MARCHF4: variants seen among roughly 807,000 people sequenced by gnomAD.
MARCHF4 encodes the protein membrane associated ring-CH-type finger 4.
In MARCHF4, 14 loss-of-function variants were observed where a neutral mutation model predicts 43.9. The observed-to-expected ratio is 0.32, with a 90% CI of 0.21 to 0.50. The LOEUF (loss-of-function observed/expected upper bound fraction) is 0.50. Among genes scored for constraint, MARCHF4 ranks in the 20% least tolerant of loss-of-function variants. The probability of loss-of-function intolerance (pLI) is 0.98; values close to 1 mark genes in which losing one functional copy is unlikely to be tolerated. For synonymous variants in MARCHF4, 226 were observed against 213.3 expected, an observed-to-expected ratio of 1.06 and a Z score of -0.52; for missense variants, 468 against 536.7, an observed-to-expected ratio of 0.87 and a Z score of 1.27.
At chr2:216,265,306 G>A (rs1423699899) in intron 3 of MARCHF4, among the ~76,000 whole-genome samples, 1 of 152,162 alleles carries the variant, frequency 6.6e-6, no homozygotes, top group Admixed American at 6.5e-5. Context: ...ACCCTGGGCT[G>A]TATTTGTGGG....
chr2:216,323,624 C>T (rs1340886757), intron 1 of MARCHF4, among the ~76,000 whole-genome samples: 2 of 152,154 alleles, frequency 1.3e-5, no homozygotes, highest in Non-Finnish European at 2.9e-5. Context: ...TCTCAGACCA[C>T]AGTGCAATCA....
At chr2:216,363,882 C>CTGAGA (rs1692626600) in intron 1 of MARCHF4, among the ~76,000 whole-genome samples, 1 of 152,182 alleles carries the variant, frequency 6.6e-6, no homozygotes, top group Admixed American at 6.5e-5. Context: ...CCTGGATGTC[C>CTGAGA]TGAGATGAGA....
chr2:216,284,328 C>T (rs561769008), intron 1 of MARCHF4, among the ~76,000 whole-genome samples: 1 of 152,266 alleles, frequency 6.6e-6, no homozygotes, highest in African/African-American at 2.4e-5. Context: ...GAGTTGGAAT[C>T]AGAGAGGCAG....
intron 1 of MARCHF4, among the ~76,000 whole-genome samples, chr2:216,330,246 G>GAT (rs1230725597): frequency 1.3e-5 from 2 of 152,180 alleles, no homozygotes; most frequent in African/African-American, 4.8e-5. Context: ...ATGATAGTGT[G>GAT]ATAGTGTGGT....
In MARCHF4 at chr2:216,370,314, G is replaced by A. The variant is rs954174554; in HGVS notation, c.-54C>T. ...GGGGTGGCTGGAGTCTTAAAAGAGG[G>A]GGACAGGACAGGTTTTGGGGGTCCA... is the stretch of plus-strand genomic sequence containing the variant. On this transcript the variant is annotated 5_prime_UTR_variant, in exon 1 of 4. Coordinates refer to ENST00000273067, the MANE Select transcript of MARCHF4 (RefSeq NM_020814.3). 6.7e-7 allele frequency: 1 copy of A among 1,499,984 alleles called. No individual in the cohort carries two copies. The highest frequency in any genetic ancestry group is 1.4e-5 in the African/African-American group (1 of 72,112). The allele number at this position is 1,499,984 out of a possible 1,614,324, so 92.9% of individuals were successfully genotyped here.
At chr2:216,358,278 A>T (rs1174018423) in intron 1 of MARCHF4, among the ~76,000 whole-genome samples, 1 of 152,174 alleles carries the variant, frequency 6.6e-6, no homozygotes, top group Non-Finnish European at 1.5e-5. Context: ...CTGACTCTAC[A>T]AGCCCGTGTT....
intron 3 of MARCHF4, among the ~76,000 whole-genome samples, chr2:216,268,060 C>T (rs965363410): frequency 5.9e-5 from 9 of 152,212 alleles, no homozygotes; most frequent in Admixed American, 5.2e-4. Flanking sequence ...TGGGCATCAT[C>T]TCGCCAGTTT....
At position 216,370,004 on chromosome 2, in the gene MARCHF4, C is replaced by T. The variant is rs370260329; in HGVS notation, c.257G>A (p.Gly86Glu). 1.2e-5 allele frequency: 18 copies of T among 1,539,354 alleles called. No individual in the cohort carries two copies. Among genetic ancestry groups the T allele is most frequent in the Middle Eastern group, 2.0e-4 (1 of 5,064 alleles). Reference sequence around the variant, plus strand: ...TCGGGGGCCCCTCCAGCCTGCCCACCCCCCGGCGCCCAGAGCCGGAAGGGT... The same window carrying T: ...TCGGGGGCCCCTCCAGCCTGCCCACTCCCCGGCGCCCAGAGCCGGAAGGGT... Reference protein sequence around the residue: ...NNTLPALGAGGWAGWRGPREV... With the variant: ...NNTLPALGAGEWAGWRGPREV... The change falls in exon 1 of 4, where the codon GGG becomes GAG. Residue 86 changes from glycine to glutamate, a missense_variant. Transcript: ENST00000273067.
chr2:216,354,866 G>A (rs1477781447), intron 1 of MARCHF4, among the ~76,000 whole-genome samples: 3 of 151,078 alleles, frequency 2.0e-5, no homozygotes, highest in Non-Finnish European at 4.4e-5. Context: ...ATTCCTGCCT[G>A]TTCATGAAAC....
At chr2:216,346,355 G>A (rs572938991) in intron 1 of MARCHF4, among the ~76,000 whole-genome samples, 1 of 151,930 alleles carries the variant, frequency 6.6e-6, no homozygotes, top group African/African-American at 2.4e-5. Flanking sequence ...GAACTTGGGT[G>A]TTTTTGTGCA....
chr2:216,370,033 G>A lies in MARCHF4; in HGVS notation c.228C>T (p.Asn76=). The change falls in exon 1 of 4, where the codon AAC becomes AAT. Residue 76 remains asparagine (N), a synonymous_variant. Coordinates refer to ENST00000273067, the MANE Select transcript of MARCHF4 (RefSeq NM_020814.3). Reference sequence around the variant, plus strand: ...CGGCGCCCAGAGCCGGAAGGGTGTTGTTGGCCGCCAAACCGGGGGGCTGGG... The same window carrying A: ...CGGCGCCCAGAGCCGGAAGGGTGTTATTGGCCGCCAAACCGGGGGGCTGGG... ...GDPQPPGLAA[N]NTLPALGAGG... 6.5e-7 allele frequency: 1 copy of A among 1,549,858 alleles called. No homozygotes were observed.
intron 3 of MARCHF4, among the ~76,000 whole-genome samples, chr2:216,272,627 T>C (rs1385854429): frequency 6.6e-6 from 1 of 152,234 alleles, no homozygotes; most frequent in Non-Finnish European, 1.5e-5. Flanking sequence ...CTTTAAGCCT[T>C]TCCTCATCTG....
intron 3 of MARCHF4, among the ~76,000 whole-genome samples, chr2:216,263,515 G>GAGAGAGAGAGAGAGAGAGAGAGAA (rs1690784419): frequency 7.0e-6 from 1 of 142,358 alleles, no homozygotes; most frequent in African/African-American, 2.7e-5. Context: ...GAGAGAGAGA[G>GAGAGAGAGAGAGAGAGAGAGAGAA]AGAGAGAGAG....
chr2:216,351,799 G>A (rs1033141101), intron 1 of MARCHF4, among the ~76,000 whole-genome samples: 1 of 152,216 alleles, frequency 6.6e-6, no homozygotes, highest in African/African-American at 2.4e-5. Flanking sequence ...TTCTCAAAGT[G>A]CATTATTCTA....
chr2:216,330,101 A>C (rs762166546), intron 1 of MARCHF4, among the ~76,000 whole-genome samples: 1 of 152,084 alleles, frequency 6.6e-6, no homozygotes, highest in Non-Finnish European at 1.5e-5. Flanking sequence ...TCATTAAAAA[A>C]AAAAAATGCC....
intron 1 of MARCHF4, among the ~76,000 whole-genome samples, chr2:216,299,556 T>C (rs1190498004): frequency 2.0e-5 from 3 of 152,196 alleles, no homozygotes; most frequent in Non-Finnish European, 4.4e-5. Flanking sequence ...AAACATATCT[T>C]AATCTAACCT....
chr2:216,324,468 G>A (rs1175109097), intron 1 of MARCHF4, among the ~76,000 whole-genome samples: 1 of 152,044 alleles, frequency 6.6e-6, no homozygotes, highest in African/African-American at 2.4e-5. Context: ...CATTTTATGA[G>A]GCCAGCATCA....
intron 3 of MARCHF4, among the ~76,000 whole-genome samples, chr2:216,264,546 G>A (rs1025294008): frequency 3.9e-5 from 6 of 152,192 alleles, no homozygotes; most frequent in Non-Finnish European, 7.3e-5. Context: ...TCTCCAGACT[G>A]TAATCCCCTC....
chr2:216,354,896 T>TTTCC (rs1692459829), intron 1 of MARCHF4, among the ~76,000 whole-genome samples: 2 of 35,084 alleles, frequency 5.7e-5, no homozygotes, highest in South Asian at 1.2e-3. Context: ...AATTGTTTTC[T>TTTCC]TTCTTTCTTT....
Sources: allele counts gnomAD v4.1 joint callset (sites outside exome capture counted in the v4.1 genomes callset), GRCh38; gene constraint gnomAD v4.1.1; transcripts MANE v1.5; gene names NCBI Gene and HGNC (gene_info 2026-07-23, HGNC 2026-07-21).